The following CTNNA3 variants were observed in gnomAD, a reference collection of about 807,000 sequenced individuals.
CTNNA3 encodes catenin alpha-3.
In CTNNA3, 76 loss-of-function variants were observed where a neutral mutation model predicts 95.7. The observed-to-expected ratio is 0.79, with a 90% CI of 0.66 to 0.96. CTNNA3 has a LOEUF of 0.96. Ranked by LOEUF, CTNNA3 falls within the 40% of genes least tolerant of loss-of-function variation. The probability of loss-of-function intolerance (pLI) is 0.00; values close to 1 mark genes in which losing one functional copy is unlikely to be tolerated. For synonymous variants in CTNNA3, 431 were observed against 374.4 expected, an observed-to-expected ratio of 1.15 and a Z score of -1.74; for missense variants, 1,191 against 1,089.8, an observed-to-expected ratio of 1.09 and a Z score of -1.31.
intron 13 of CTNNA3, among the ~76,000 whole-genome samples, chr10:66,262,838 G>T (rs768270819): frequency 3.6e-4 from 55 of 151,704 alleles, no homozygotes; most frequent in Non-Finnish European, 5.7e-4. Flanking sequence ...TTTATTTTAT[G>T]TATATAAGGT....
chr10:67,390,490 G>T (rs1564619233), intron 5 of CTNNA3, among the ~76,000 whole-genome samples: 1 of 152,050 alleles, frequency 6.6e-6, no homozygotes, highest in Non-Finnish European at 1.5e-5. Flanking sequence ...GGAGGAACTG[G>T]TACCATTCCT....
At chr10:66,685,089 T>A (rs1291273231) in intron 9 of CTNNA3, among the ~76,000 whole-genome samples, 1 of 149,462 alleles carries the variant, frequency 6.7e-6, no homozygotes, top group Admixed American at 6.7e-5. Flanking sequence ...AGAAAATGAA[T>A]AATAGAAAAT....
intron 7 of CTNNA3, among the ~76,000 whole-genome samples, chr10:67,165,703 A>C (rs1186715042): frequency 2.6e-5 from 4 of 152,222 alleles, no homozygotes; most frequent in Non-Finnish European, 4.4e-5. Context: ...TCCTGGGACG[A>C]AAATGAGAGA....
intron 2 of CTNNA3, among the ~76,000 whole-genome samples, chr10:67,632,401 T>C (rs1428293312): frequency 6.6e-6 from 1 of 151,194 alleles, no homozygotes; most frequent in African/African-American, 2.4e-5. Context: ...GGCACCAAGA[T>C]GGACAATTAG....
chr10:66,704,228 C>T (rs541185963), intron 9 of CTNNA3, among the ~76,000 whole-genome samples: 1 of 152,150 alleles, frequency 6.6e-6, no homozygotes, highest in South Asian at 2.1e-4. Context: ...TTCTTCAGGT[C>T]ATATATGGTA....
chr10:66,281,995 A>C (rs2091501184), intron 12 of CTNNA3, among the ~76,000 whole-genome samples: 1 of 151,838 alleles, frequency 6.6e-6, no homozygotes. Flanking sequence ...TTAGCCTCAA[A>C]TTTTAAATTC....
chr10:66,012,310 G>A (rs4746540), intron 15 of CTNNA3, among the ~76,000 whole-genome samples: 4,732 of 152,242 alleles, frequency 0.031, 105 homozygotes, highest in East Asian at 0.066. Context: ...TTGGTGTGGG[G>A]AGAATATTAG....
intron 10 of CTNNA3, among the ~76,000 whole-genome samples, chr10:66,620,722 C>G (rs978881490): frequency 6.6e-6 from 1 of 152,098 alleles, no homozygotes; most frequent in Non-Finnish European, 1.5e-5. Flanking sequence ...CCAGCTTGTT[C>G]TTACTTGTTA....
Position 66,744,045 on chromosome 10 carries a change from A to G in CTNNA3, c.1281+22219T>C, listed in dbSNP as rs936623543. ...GGAAAAGCAGAAAGAGGGAAGAATG[A>G]ATGTAAACTGCAGGTGGCAGGGCTT... On this transcript the variant is annotated intron_variant, in intron 9 of 17. Transcript: ENST00000433211. Among the ~76,000 whole-genome samples the G allele has an allele frequency of 2.4e-4, 37 of 151,644 alleles. 1 individual carries two copies. The highest frequency in any genetic ancestry group is 1.5e-3 in the Admixed American group (23 of 15,224).
rs774760267 is a variant in CTNNA3 at position 67,648,760 on chromosome 10, G to A, written c.-5-1242C>T. The A allele has an allele frequency of 1.6e-5, 21 of 1,289,408 alleles. No individual in the cohort carries two copies. In the African/African-American group the frequency reaches 2.0e-4, roughly 12 times the overall value. 79.9% of individuals were successfully genotyped at this position (1,289,408 alleles called of 1,614,324 possible). A position where few individuals can be genotyped will look rare whatever the true frequency, so the allele number is the denominator to read the frequency against. Reference sequence around the variant, plus strand: ...TTTACCTTGTTTCTCTCTCCTTTGCGTTGATTTCATTCTCCTTCTAAAAGT... The same window carrying A: ...TTTACCTTGTTTCTCTCTCCTTTGCATTGATTTCATTCTCCTTCTAAAAGT... On this transcript the variant is annotated intron_variant, in intron 1 of 17. Coordinates refer to ENST00000433211, the MANE Select transcript of CTNNA3 (RefSeq NM_013266.4).
At chr10:66,599,268 C>A (rs967832633) in intron 10 of CTNNA3, among the ~76,000 whole-genome samples, 3 of 151,954 alleles carry the variant, frequency 2.0e-5, no homozygotes, top group Non-Finnish European at 4.4e-5. Context: ...ACAGTATATT[C>A]CACTCAGAGA....
chr10:67,486,260 T>G (rs905422475), intron 5 of CTNNA3, among the ~76,000 whole-genome samples: 2 of 152,200 alleles, frequency 1.3e-5, no homozygotes, highest in Non-Finnish European at 2.9e-5. Flanking sequence ...TTAAGGTCTT[T>G]TTGTATATGT....
intron 7 of CTNNA3, among the ~76,000 whole-genome samples, chr10:66,871,507 A>C (rs1301986112): frequency 7.0e-6 from 1 of 143,198 alleles, no homozygotes; most frequent in Non-Finnish European, 1.5e-5. Context: ...GGTTGCGGTG[A>C]GCTGAGATCG....
At chr10:66,202,798 A>C (rs564448964) in intron 13 of CTNNA3, among the ~76,000 whole-genome samples, 2 of 152,030 alleles carry the variant, frequency 1.3e-5, no homozygotes, top group East Asian at 3.9e-4. Context: ...TTTTGTGAGC[A>C]CTCCCTGAGG....
chr10:67,620,889 G>GTA (rs954928989), intron 2 of CTNNA3, among the ~76,000 whole-genome samples: 1 of 140,102 alleles, frequency 7.1e-6, no homozygotes, highest in Non-Finnish European at 1.5e-5. Context: ...ATATATATGT[G>GTA]TATATATATG....
At chr10:66,360,667 C>T (rs71492497) in intron 12 of CTNNA3, among the ~76,000 whole-genome samples, 12 of 51,178 alleles carry the variant, frequency 2.3e-4, no homozygotes, top group Admixed American at 4.1e-4. Flanking sequence ...TTCTTCCTTC[C>T]TTCCTTCCTT....
chr10:66,966,631 G>A (rs1023179275), intron 7 of CTNNA3, among the ~76,000 whole-genome samples: 2 of 151,990 alleles, frequency 1.3e-5, no homozygotes, highest in African/African-American at 2.4e-5. Flanking sequence ...AATTTACGGC[G>A]AGGGGGAAGC....
chr10:65,980,314 G>A (rs1211972274), intron 16 of CTNNA3, among the ~76,000 whole-genome samples: 5 of 151,610 alleles, frequency 3.3e-5, no homozygotes, highest in African/African-American at 4.8e-5. Context: ...AATATGCAGC[G>A]AGATTGAAAC....
chr10:66,976,921 T>G (rs1397549256), intron 7 of CTNNA3, among the ~76,000 whole-genome samples: 2 of 152,190 alleles, frequency 1.3e-5, no homozygotes, highest in Non-Finnish European at 2.9e-5. Flanking sequence ...TGCTTATCAT[T>G]TGGTTACTGA....
Sources: gnomAD v4.1 joint callset for allele counts (sites outside exome capture counted in the v4.1 genomes callset) on GRCh38, gnomAD v4.1.1 for gene constraint, MANE v1.5 for transcripts, NCBI Gene and HGNC (gene_info 2026-07-23, HGNC 2026-07-21) for gene names.